The following STX4 variants were observed in gnomAD, a reference collection of about 807,000 sequenced individuals.
The protein encoded by STX4 is syntaxin 4, also known as syntaxin-4.
Under a neutral mutation model 41.8 loss-of-function variants are expected in STX4, and 24 were observed. The ratio of observed to expected loss-of-function variants is 0.57; its 90% CI spans 0.42 to 0.81. The LOEUF (loss-of-function observed/expected upper bound fraction) is 0.81. Among genes scored for constraint, STX4 ranks in the 30% least tolerant of loss-of-function variants. STX4 has a pLI of 0.00. For synonymous variants in STX4, 158 were observed against 156.4 expected (o/e 1.01, Z -0.08); for missense variants, 316 against 389.9 (o/e 0.81, Z 1.60).
chr16:31,034,862 T>A (rs1477807849), intron 4 of STX4, 108 bp from the exon 5 acceptor site: 2 of 1,057,680 alleles, frequency 1.9e-6, no homozygotes, highest in Non-Finnish European at 2.7e-6. Context: ...AAAAATAAAC[T>A]TACTTTCTCC....
At position 31,034,048 on chromosome 16, in the gene STX4, G is replaced by A. The variant is rs768127794; in HGVS notation, c.66G>A (p.Arg22=). The A allele has an allele frequency of 8.1e-6, 13 of 1,609,176 alleles. No homozygotes were observed. The highest frequency in any genetic ancestry group is 1.0e-5 in the Non-Finnish European group (12 of 1,176,924). ...DDSSDEEDKE[R]VALVVHPGTA... ...GCTCGGACGAAGAGGACAAGGAGCG[G>A]GTCGCGCTGGTGGTGCACCCGGGCA... The change falls in exon 2 of 11, where the codon CGG becomes CGA. Residue 22 remains arginine, a synonymous_variant. Coordinates refer to ENST00000313843, the MANE Select transcript of STX4 (RefSeq NM_004604.5).
chr16:31,037,870 C>T (rs1038695294), intron 5 of STX4, 56 bp from the exon 6 acceptor site: 51 of 1,592,380 alleles, frequency 3.2e-5, no homozygotes, highest in Non-Finnish European at 4.2e-5. Context: ...GTTGCCGAGG[C>T]ACCGACCGGG....
chr16:31,038,767 G>C (rs1754806596), intron 8 of STX4, 120 bp downstream of exon 8: 5 of 1,321,776 alleles, frequency 3.8e-6, no homozygotes, highest in Non-Finnish European at 5.2e-6. Flanking sequence ...CATGCCCCCA[G>C]ATTGGTGCTT....
chr16:31,033,788 G>A lies in STX4; in HGVS notation c.-18G>A. 2 of 1,452,358 alleles carry A rather than the reference G, an allele frequency of 1.4e-6. No homozygotes were observed. 90.0% of individuals were successfully genotyped at this position (1,452,358 alleles called of 1,614,324 possible). ...GGCCTCCCGGCTCTGGCGCCGGGGA[G>A]GGAGAGCTCAGGCCGCCATGCGGGA... On this transcript the variant is annotated 5_prime_UTR_variant, in exon 1 of 11. Coordinates refer to ENST00000313843, the MANE Select transcript of STX4 (RefSeq NM_004604.5). The surrounding 1 kb of genome is among the most constrained non-coding windows in gnomAD (Gnocchi z 5.5).
Position 31,034,004 on chromosome 16 carries a change from G to C in STX4, c.31-9G>C. On this transcript the variant is annotated splice_polypyrimidine_tract_variant and intron_variant, in intron 1 of 10. Coordinates refer to ENST00000313843, the MANE Select transcript of STX4 (RefSeq NM_004604.5). The stretch of plus-strand genomic sequence containing the variant: ...GAAACGGTGGTGCCAATGACTCCGG[G>C]CCTGGCAGGGGGATGACAGCTCGGA... The C allele has an allele frequency of 6.3e-7, 1 of 1,582,752 alleles. No homozygotes were observed. The highest frequency in any genetic ancestry group is 1.1e-5 in the South Asian group (1 of 87,918).
At position 31,033,712 on chromosome 16, in the gene STX4, A is replaced by C; in HGVS notation, c.-94A>C. The C allele has an allele frequency of 2.3e-6, 3 of 1,281,142 alleles. 1 individual carries two copies. The South Asian group carries it at 4.7e-5, about 20-fold the overall frequency. The allele number at this position is 1,281,142 out of a possible 1,614,324, so 79.4% of individuals were successfully genotyped here. ...TGGGGGTGTTGGGGTCCGCAGGGGGAGGGAGGGGAGTGTCAGAGTGTGAGC... is the reference window on the plus strand; with the variant it reads ...TGGGGGTGTTGGGGTCCGCAGGGGGCGGGAGGGGAGTGTCAGAGTGTGAGC... On this transcript the variant is annotated 5_prime_UTR_variant, in exon 1 of 11. Transcript: ENST00000313843. The surrounding 1 kb of genome is among the most constrained non-coding windows in gnomAD (Gnocchi z 5.5).
intron 7 of STX4, 53 bp downstream of exon 7, chr16:31,038,243 C>A: frequency 1.9e-6 from 3 of 1,605,056 alleles, no homozygotes; most frequent in Non-Finnish European, 2.6e-6. Context: ...CCCTCTGAGT[C>A]CTGTCCGTTT....
chr16:31,038,641 G>A lies in STX4; in HGVS notation c.696G>A (p.Glu232=). 3 of 1,613,984 alleles carry A rather than the reference G, an allele frequency of 1.9e-6. No homozygotes were observed. Among genetic ancestry groups the A allele is most frequent in the Non-Finnish European group, 2.5e-6 (3 of 1,179,982 alleles). Residue 232 remains glutamate (E), a synonymous_variant, in exon 8 of 11, where the codon GAG becomes GAA. Coordinates refer to ENST00000313843, the MANE Select transcript of STX4 (RefSeq NM_004604.5). ...TCACTTTTCTGGCTACCGAAGTGGAGATGCAGGTGGGTGCCCCGCGCAGCC... is the reference window on the plus strand; with the variant it reads ...TCACTTTTCTGGCTACCGAAGTGGAAATGCAGGTGGGTGCCCCGCGCAGCC... The part of the protein sequence containing the change: ...DIFTFLATEV[E]MQGEMINRIE...
In STX4 at chr16:31,039,812, A is replaced by G. The variant is rs1333201830; in HGVS notation, c.*9A>G. On this transcript the variant is annotated 3_prime_UTR_variant, in exon 10 of 11. Transcript: ENST00000313843. This position sits in a 1 kb window ranked among gnomAD's most constrained non-coding sequence, Gnocchi z 4.1. ...TCACAGTGGTTGGATAATGTCGCAC[A>G]TTGTTGGTGAGATGTTGTGGGCTGC... The G allele has an allele frequency of 1.9e-6, 3 of 1,613,948 alleles. No homozygotes were observed. The highest frequency in any genetic ancestry group is 1.7e-6 in the Non-Finnish European group (2 of 1,179,954).
rs1342920240 is a variant in STX4, at chr16:31,039,826, G to A, written c.*15+8G>A. 1.2e-6 allele frequency: 2 copies of A among 1,613,744 alleles called. No homozygotes were observed. The highest frequency in any genetic ancestry group is 1.3e-5 in the African/African-American group (1 of 74,928). On this transcript the variant is annotated splice_region_variant and intron_variant, in intron 10 of 10. Transcript: ENST00000313843. This position sits in a 1 kb window ranked among gnomAD's most constrained non-coding sequence, Gnocchi z 4.1. ...TAATGTCGCACATTGTTGGTGAGAT[G>A]TTGTGGGCTGCCCCCTGGCCTGCCC...
intron 7 of STX4, 88 bp from the exon 8 acceptor site, chr16:31,038,422 C>G: frequency 6.4e-7 from 1 of 1,565,622 alleles, no homozygotes; most frequent in Non-Finnish European, 8.7e-7. Flanking sequence ...AGATTCCAGG[C>G]TGAGGGCTCC....
chr16:31,038,564 C>T lies in STX4; in HGVS notation c.619C>T (p.His207Tyr), dbSNP rs2056820796. 2 of 1,614,136 alleles carry T rather than the reference C, an allele frequency of 1.2e-6. No individual in the cohort carries two copies. The highest frequency in any genetic ancestry group is 4.5e-5 in the East Asian group (2 of 44,886). The part of the protein sequence containing the change: ...RQALNEISAR[H>Y]SEIQQLERSI... ...GGCCTTAAATGAGATCTCGGCCCGG[C>T]ACAGTGAGATCCAGCAGCTTGAACG... The change falls in exon 8 of 11, where the codon CAC becomes TAC. Residue 207 changes from histidine to tyrosine, a missense_variant. Transcript: ENST00000313843.
At chr16:31,035,152 CTT>C in intron 5 of STX4, 112 bp downstream of exon 5, 1 of 803,678 alleles carries the variant, frequency 1.2e-6, no homozygotes, top group Non-Finnish European at 1.8e-6. Flanking sequence ...AATTGGATGA[CTT>C]TTCCAAATGG....
Position 31,039,928 on chromosome 16 carries a change from G to T in STX4, c.*32G>T. The T allele has an allele frequency of 8.7e-7, 1 of 1,150,596 alleles. No individual in the cohort carries two copies. Among genetic ancestry groups the T allele is most frequent in the Non-Finnish European group, 1.3e-6 (1 of 786,342 alleles). 71.3% of individuals were successfully genotyped at this position (1,150,596 alleles called of 1,614,324 possible). The stretch of plus-strand genomic sequence containing the variant: ...TCCTTACAGGCACTAGGAGCACCAG[G>T]AACCCAGGGCCTGGCCTTCTCTCCC... On this transcript the variant is annotated 3_prime_UTR_variant, in exon 11 of 11. Transcript: ENST00000313843. This position sits in a 1 kb window ranked among gnomAD's most constrained non-coding sequence, Gnocchi z 4.1.
In STX4 at chr16:31,033,675, T is replaced by G; in HGVS notation, c.-131T>G. On this transcript the variant is annotated 5_prime_UTR_variant, in exon 1 of 11. Transcript: ENST00000313843. This position sits in a 1 kb window ranked among gnomAD's most constrained non-coding sequence, Gnocchi z 5.5. ...TGTGGGCGGTGCAAGGGACGGAGCC[T>G]CTGGCGGCTCGTGGGGGTGTTGGGG... 6.9e-7 allele frequency: 1 copy of G among 1,446,556 alleles called. No individual in the cohort carries two copies. The highest frequency in any genetic ancestry group is 9.1e-7 in the Non-Finnish European group (1 of 1,102,424). 89.6% of individuals were successfully genotyped at this position (1,446,556 alleles called of 1,614,324 possible).
At chr16:31,038,334 G>A (rs1454720087) in intron 7 of STX4, 144 bp downstream of exon 7, 19 of 1,311,170 alleles carry the variant, frequency 1.4e-5, no homozygotes, top group South Asian at 2.6e-5. Flanking sequence ...ACTGCACCCC[G>A]CTTGCTGTGG....
rs951141766 is a variant in STX4, at chr16:31,039,875, C to G, written c.*16-37C>G. 7.1e-6 allele frequency: 11 copies of G among 1,539,370 alleles called. No individual in the cohort carries two copies. Among genetic ancestry groups the G allele is most frequent in the Non-Finnish European group, 2.7e-6 (3 of 1,114,082 alleles). ...CCCAGCCCTGGCCCCAGCCCTCCCT[C>G]CTCCCTCAGACCCTGTTCTCCCTCC... On this transcript the variant is annotated intron_variant, in intron 10 of 10. Coordinates refer to ENST00000313843, the MANE Select transcript of STX4 (RefSeq NM_004604.5). The surrounding 1 kb of genome is among the most constrained non-coding windows in gnomAD (Gnocchi z 4.1).
At chr16:31,034,195 C>T in intron 2 of STX4, 31 bp from the exon 3 acceptor site, 1 of 1,613,948 alleles carries the variant, frequency 6.2e-7, no homozygotes, top group Non-Finnish European at 8.5e-7. Context: ...TACCCCATAT[C>T]TCTTTCAGCC....
At position 31,033,676 on chromosome 16, in the gene STX4, C is replaced by T; in HGVS notation, c.-130C>T. 6.9e-7 allele frequency: 1 copy of T among 1,441,880 alleles called. No individual in the cohort carries two copies. Among genetic ancestry groups the T allele is most frequent in the South Asian group, 1.5e-5 (1 of 68,202 alleles). 89.3% of individuals were successfully genotyped at this position (1,441,880 alleles called of 1,614,324 possible). A position where few individuals can be genotyped will look rare whatever the true frequency, so the allele number is the denominator to read the frequency against. Reference sequence around the variant, plus strand: ...GTGGGCGGTGCAAGGGACGGAGCCTCTGGCGGCTCGTGGGGGTGTTGGGGT... The same window carrying T: ...GTGGGCGGTGCAAGGGACGGAGCCTTTGGCGGCTCGTGGGGGTGTTGGGGT... On this transcript the variant is annotated 5_prime_UTR_variant, in exon 1 of 11. Coordinates refer to ENST00000313843, the MANE Select transcript of STX4 (RefSeq NM_004604.5). This position sits in a 1 kb window ranked among gnomAD's most constrained non-coding sequence, Gnocchi z 5.5.
Sources: allele counts gnomAD v4.1 joint callset, GRCh38; gene constraint gnomAD v4.1.1; non-coding constraint Gnocchi (gnomAD v3.1); transcripts MANE v1.5; gene names NCBI Gene and HGNC (gene_info 2026-07-23, HGNC 2026-07-21).